Variants in POLI observed in about 807,000 individuals in gnomAD.
The protein encoded by POLI is RAD30 homolog B.
Under a neutral mutation model 51.6 loss-of-function variants are expected in POLI, and 58 were observed. That is an observed-to-expected ratio of 1.12 (90% confidence interval 0.91 to 1.40). The LOEUF (loss-of-function observed/expected upper bound fraction) is 1.40, where lower values mean the gene tolerates loss of function less well. POLI is among the 40% of genes most tolerant of loss of function. The pLI is 0.00. For missense variants in POLI, 921 were observed against 871.3 expected, an observed-to-expected ratio of 1.06 and a Z score of -0.72; for synonymous variants, 322 against 299.7, an observed-to-expected ratio of 1.07 and a Z score of -0.77.
intron 3 of POLI, 40 bp downstream of exon 3, chr18:54,274,130 A>T (rs763297796): frequency 9.5e-7 from 1 of 1,053,368 alleles, no homozygotes; most frequent in South Asian, 3.1e-5. Context: ...ATTAATTTTT[A>T]TGTAGGATGC....
chr18:54,318,564 T>G (rs2088761154), intron 3 of POLI, among the ~76,000 whole-genome samples: 1 of 152,234 alleles, frequency 6.6e-6, no homozygotes, highest in Admixed American at 6.5e-5. Flanking sequence ...TTTGTATTAT[T>G]AGTATTTTCA....
At position 54,297,908 on chromosome 18, in the gene POLI, G is replaced by C; in HGVS notation, c.*3441G>C. 1.0e-6 allele frequency: 1 copy of C among 982,096 alleles called. No individual in the cohort carries two copies. The highest frequency in any genetic ancestry group is 1.2e-6 in the Non-Finnish European group (1 of 827,004). 60.8% of individuals were successfully genotyped at this position (982,096 alleles called of 1,614,324 possible). On this transcript the variant is annotated 3_prime_UTR_variant, in exon 10 of 10. Transcript: ENST00000579534. ...CTTGTGTGTCAGATGTTCCTTCTAG[G>C]TAGAATTCTTTATACCTTCTGAAAT...
chr18:54,283,878 GTTAT>G (rs1432532963), intron 6 of POLI, 40 bp from the exon 7 acceptor site: 1 of 697,796 alleles, frequency 1.4e-6, no homozygotes, highest in Non-Finnish European at 2.5e-6. Context: ...ATTAGATATA[GTTAT>G]TTGAGTTTGT....
intron 3 of POLI, among the ~76,000 whole-genome samples, chr18:54,306,005 G>A (rs189796216): frequency 6.7e-4 from 102 of 152,212 alleles, no homozygotes; most frequent in African/African-American, 2.3e-3. Flanking sequence ...TGATCCGCCC[G>A]CCTCAGCCTC....
In POLI at chr18:54,275,495, T is replaced by G. The variant is rs575171307; in HGVS notation, c.406+1405T>G. On this transcript the variant is annotated intron_variant, in intron 3 of 9. Coordinates refer to ENST00000579534, the MANE Select transcript of POLI (RefSeq NM_007195.3). ...GATATTATATAGCCATTAAAAAGAA[T>G]TCATTGGTGCAATACTATTTGACTG... 1.1e-4 allele frequency among the ~76,000 whole-genome samples: 17 copies of G among 152,326 alleles called. No homozygotes were observed. In the South Asian group the frequency reaches 1.2e-3, roughly 11 times the overall value.
downstream of POLI, among the ~76,000 whole-genome samples, chr18:54,302,188 TCTTA>T (rs780663150): frequency 7.2e-5 from 11 of 152,192 alleles, no homozygotes; most frequent in African/African-American, 2.4e-4. Flanking sequence ...GATTAAAATA[TCTTA>T]CTTAGATTAT....
chr18:54,307,241 C>G (rs1448827014), intron 3 of POLI, among the ~76,000 whole-genome samples: 1 of 152,172 alleles, frequency 6.6e-6, no homozygotes, highest in Non-Finnish European at 1.5e-5. Flanking sequence ...ATATAAATTT[C>G]CCTCTATAGA....
rs754135350 is a variant in POLI at position 54,280,855 on chromosome 18, A to G, written c.748A>G (p.Ser250Gly). ...PNQQTVLLPE[S>G]CQHLIHSLNH... ...TCAACAAACAGTCTTATTACCTGAAAGTTGTCAACATCTTATTCATAGTTT... is the reference window on the plus strand; with the variant it reads ...TCAACAAACAGTCTTATTACCTGAAGGTTGTCAACATCTTATTCATAGTTT... Residue 250 changes from serine (S) to glycine (G), a missense_variant, in exon 5 of 10, where the codon AGT becomes GGT. Ser to Gly is a moderately conservative substitution (Grantham distance 56). Transcript: ENST00000579534. 4 of 1,612,594 alleles carry G rather than the reference A, an allele frequency of 2.5e-6. No homozygotes were observed. Among genetic ancestry groups the G allele is most frequent in the African/African-American group, 1.3e-5 (1 of 74,922 alleles).
chr18:54,314,708 C>T (rs1039365183), intron 3 of POLI, among the ~76,000 whole-genome samples: 1 of 152,212 alleles, frequency 6.6e-6, no homozygotes, highest in Middle Eastern at 3.4e-3. Context: ...TGCATGCTTC[C>T]AGGAATTTAT....
In POLI at chr18:54,295,346, T is replaced by G; in HGVS notation, c.*879T>G. 2.0e-6 allele frequency: 2 copies of G among 985,010 alleles called. No homozygotes were observed. Among genetic ancestry groups the G allele is most frequent in the Non-Finnish European group, 2.4e-6 (2 of 829,500 alleles). The allele number at this position is 985,010 out of a possible 1,614,324, so 61.0% of individuals were successfully genotyped here. On this transcript the variant is annotated 3_prime_UTR_variant, in exon 10 of 10. Transcript: ENST00000579534. ...CCACAAATATAGACCATTACTAAAT[T>G]GGTGGATGTCCTCTTTCTCCCATTG...
intron 4 of POLI, among the ~76,000 whole-genome samples, chr18:54,278,614 A>T (rs1385608370): frequency 6.6e-6 from 1 of 152,222 alleles, no homozygotes; most frequent in Non-Finnish European, 1.5e-5. Context: ...TAATCTGTTC[A>T]AATAATCTTT....
Position 54,271,422 on chromosome 18 carries a change from C to T in POLI, c.178C>T (p.Leu60=). The T allele has an allele frequency of 6.2e-7, 1 of 1,610,760 alleles. No homozygotes were observed. Among genetic ancestry groups the T allele is most frequent in the Non-Finnish European group, 8.5e-7 (1 of 1,177,120 alleles). ...ATCCAGAGTCATAGTACATGTGGAT[C>T]TGGATTGCTTTTATGCACAAGTAGA... ...ASSRVIVHVD[L]DCFYAQVEMI... The change falls in exon 2 of 10, where the codon CTG becomes TTG. Residue 60 remains leucine (L), a synonymous_variant. Coordinates refer to ENST00000579534, the MANE Select transcript of POLI (RefSeq NM_007195.3).
chr18:54,276,479 T>G (rs1254731325), intron 3 of POLI, among the ~76,000 whole-genome samples: 3 of 152,258 alleles, frequency 2.0e-5, no homozygotes, highest in Non-Finnish European at 4.4e-5. Context: ...GTATTTAACT[T>G]GCTTTTCTAT....
intron 3 of POLI, among the ~76,000 whole-genome samples, chr18:54,306,368 G>A (rs1269523218): frequency 1.3e-5 from 2 of 152,110 alleles, no homozygotes; most frequent in Non-Finnish European, 2.9e-5. Flanking sequence ...TTTATGTGAT[G>A]GATTATGTTT....
intron 8 of POLI, among the ~76,000 whole-genome samples, chr18:54,288,900 C>T (rs752720842): frequency 1.2e-4 from 19 of 152,050 alleles, no homozygotes; most frequent in Non-Finnish European, 2.4e-4. Flanking sequence ...ATTCTTTGGA[C>T]ATATCTATAA....
rs775459241 is a variant in POLI, at chr18:54,292,060, C to A, written c.1404+22C>A. On this transcript the variant is annotated intron_variant, in intron 9 of 9. Coordinates refer to ENST00000579534, the MANE Select transcript of POLI (RefSeq NM_007195.3). ...TTTTGTAAGTACACTCTTTTTTGTT[C>A]AGTTTTCTAAGTATACTCTTATGGG... The A allele has an allele frequency of 8.9e-6, 13 of 1,452,560 alleles. No homozygotes were observed. The East Asian group carries it at 9.1e-5, about 10-fold the overall frequency. 90.0% of individuals were successfully genotyped at this position (1,452,560 alleles called of 1,614,324 possible). A position where few individuals can be genotyped will look rare whatever the true frequency, so the allele number is the denominator to read the frequency against.
intron 2 of POLI, among the ~76,000 whole-genome samples, chr18:54,273,048 ATATTT>A (rs958318723): frequency 1.3e-5 from 2 of 152,118 alleles, no homozygotes; most frequent in Non-Finnish European, 2.9e-5. Flanking sequence ...TGTATTTTAC[ATATTT>A]TAGGTGAACA....
In POLI at chr18:54,292,069, A is replaced by G. The variant is rs557912736; in HGVS notation, c.1404+31A>G. 6.1e-6 allele frequency: 8 copies of G among 1,312,558 alleles called. No individual in the cohort carries two copies. The South Asian group carries it at 8.5e-5, about 14-fold the overall frequency. 81.3% of individuals were successfully genotyped at this position (1,312,558 alleles called of 1,614,324 possible). On this transcript the variant is annotated intron_variant, in intron 9 of 9. Transcript: ENST00000579534. ...TACACTCTTTTTTGTTCAGTTTTCT[A>G]AGTATACTCTTATGGGATTTGTGTG...
At chr18:54,307,612 G>T (rs1394933979) in intron 3 of POLI, among the ~76,000 whole-genome samples, 1 of 152,208 alleles carries the variant, frequency 6.6e-6, no homozygotes, top group African/African-American at 2.4e-5. Context: ...GCTTGGTGCA[G>T]AGTTGAGTTC....
Sources: allele counts gnomAD v4.1 joint callset (sites outside exome capture counted in the v4.1 genomes callset), GRCh38; gene constraint gnomAD v4.1.1; transcripts MANE v1.5; gene names NCBI Gene and HGNC (gene_info 2026-07-23, HGNC 2026-07-21).